The following MIA3 variants were observed in gnomAD, a reference collection of about 807,000 sequenced individuals.
MIA3 encodes the protein transport and Golgi organization protein 1 homolog.
In MIA3, 90 loss-of-function variants were observed where a neutral mutation model predicts 192.4. That is an observed-to-expected ratio of 0.47 (90% CI 0.39 to 0.56). MIA3 has a LOEUF of 0.56. Ranked by LOEUF, MIA3 falls within the 20% of genes least tolerant of loss-of-function variation. The probability of loss-of-function intolerance (pLI) is 0.00; values close to 1 mark genes in which losing one functional copy is unlikely to be tolerated. For missense variants in MIA3, 2,123 were observed against 2,269.4 expected (o/e 0.94, Z 1.31); for synonymous variants, 740 against 792.8 (o/e 0.93, Z 1.12).
chr1:222,651,347 T>C (rs1663422348), intron 11 of MIA3, among the ~76,000 whole-genome samples: 1 of 151,912 alleles, frequency 6.6e-6, no homozygotes, highest in Non-Finnish European at 1.5e-5. Context: ...GTTGAGGTAG[T>C]ATTGCCAGGT....
At chr1:222,642,822 A>G (rs1662923567) in intron 6 of MIA3, among the ~76,000 whole-genome samples, 2 of 152,184 alleles carry the variant, frequency 1.3e-5, no homozygotes, top group Non-Finnish European at 1.5e-5. Flanking sequence ...GCATGTTTCC[A>G]TATGTTTTTA....
intron 2 of MIA3, among the ~76,000 whole-genome samples, chr1:222,621,809 G>T (rs199853523): frequency 0.015 from 1,476 of 97,194 alleles, 25 homozygotes; most frequent in African/African-American, 0.033. Flanking sequence ...TTTCTTGTTT[G>T]TTTGTTTTTT....
chr1:222,660,049 T>C (rs376453344), intron 23 of MIA3, 43 bp downstream of exon 23: 13 of 1,588,816 alleles, frequency 8.2e-6, no homozygotes, highest in Middle Eastern at 1.7e-4. Context: ...TGTTTTTTGA[T>C]GTAAAATGTA....
Position 222,653,904 on chromosome 1 carries a change from T to C in MIA3, c.4322-339T>C, listed in dbSNP as rs139063897. Among the ~76,000 whole-genome samples, 3 of 152,340 alleles carry C rather than the reference T, an allele frequency of 2.0e-5. No individual in the cohort carries two copies. In the South Asian group the frequency reaches 6.2e-4, roughly 32 times the overall value. On this transcript the variant is annotated intron_variant, in intron 15 of 27. Transcript: ENST00000344922. ...CTCAAGTTGGATATTGCTTGTGTAG[T>C]GGGTGTTTTAAACCACACCTGGTAG...
intron 27 of MIA3, chr1:222,664,951 A>G: frequency 2.1e-6 from 1 of 467,386 alleles, no homozygotes; most frequent in South Asian, 1.6e-5. Context: ...CCCAGCATTC[A>G]TTAGACGAGG....
intron 6 of MIA3, chr1:222,644,353 C>G (rs970333156): frequency 4.7e-6 from 7 of 1,489,006 alleles, no homozygotes; most frequent in Non-Finnish European, 6.3e-6. Context: ...CTGTGGAAGG[C>G]GAAGTTCAAT....
Position 222,629,171 on chromosome 1 carries a change from C to T in MIA3, c.1951C>T (p.Leu651=), listed in dbSNP as rs374061481. ...PRELEDEVPI[L]GRNLPWQQER... is the part of the protein sequence containing the mutation. Reference sequence around the variant, plus strand: ...AGAACTGGAAGACGAGGTTCCCATTCTGGGAAGAAATCTTCCCTGGCAACA... The same window carrying T: ...AGAACTGGAAGACGAGGTTCCCATTTTGGGAAGAAATCTTCCCTGGCAACA... The change falls in exon 4 of 28, where the codon CTG becomes TTG. Residue 651 remains leucine (L), a synonymous_variant. Coordinates refer to ENST00000344922, the MANE Select transcript of MIA3 (RefSeq NM_198551.4). The T allele has an allele frequency of 7.4e-6, 12 of 1,614,022 alleles. No homozygotes were observed. The highest frequency in any genetic ancestry group is 1.7e-5 in the Admixed American group (1 of 59,992).
At chr1:222,660,536 T>G in intron 24 of MIA3, 1 of 372,674 alleles carries the variant, frequency 2.7e-6, no homozygotes, top group Non-Finnish European at 4.8e-6. Context: ...TCTCTTTAAT[T>G]TTTTACTCTG....
intron 26 of MIA3, 118 bp from the exon 27 acceptor site, chr1:222,663,880 T>C: frequency 1.0e-6 from 1 of 987,672 alleles, no homozygotes. Flanking sequence ...TTGCACTAAT[T>C]CTGCTCTTTG....
intron 6 of MIA3, among the ~76,000 whole-genome samples, chr1:222,643,901 A>G (rs1247674367): frequency 6.6e-6 from 1 of 152,154 alleles, no homozygotes; most frequent in Non-Finnish European, 1.5e-5. Flanking sequence ...AGCGAGCGCA[A>G]TGGAGGTCTG....
At chr1:222,645,914 G>T in intron 7 of MIA3, 1 of 375,918 alleles carries the variant, frequency 2.7e-6, no homozygotes, top group Non-Finnish European at 4.7e-6. Flanking sequence ...TCATATCAAA[G>T]TCTAAATTTT....
chr1:222,652,240 C>G lies in MIA3; in HGVS notation c.3994C>G (p.Leu1332Val), dbSNP rs768770008. ...ASEFSEVQIA[L>V]NEAKLSEEKV... ...TGTTTTGCATTAGGTTCAGATTGCA[C>G]TTAATGAAGCTAAGCTTAGTGAAGA... Residue 1332 changes from leucine to valine, a missense_variant, in exon 13 of 28, where the codon CTT (leucine) becomes GTT (valine). Physicochemically the swap from Leu to Val is conservative, Grantham distance 32. Transcript: ENST00000344922. The G allele has an allele frequency of 5.0e-6, 8 of 1,612,758 alleles. No homozygotes were observed. Among genetic ancestry groups the G allele is most frequent in the East Asian group, 2.2e-5 (1 of 44,840 alleles).
chr1:222,634,460 C>G (rs929777782), intron 6 of MIA3, among the ~76,000 whole-genome samples: 1 of 152,142 alleles, frequency 6.6e-6, no homozygotes, highest in African/African-American at 2.4e-5. Context: ...AGATTTTAAG[C>G]AGGAAAGGGA....
Position 222,666,595 on chromosome 1 carries a change from T to G in MIA3, c.*976T>G, listed in dbSNP as rs1664298814. ...TTTTTGAGGAATATAATAAAAAGATTGGAAGAGTATAATGCCATGAGAAAG... is the reference window on the plus strand; with the variant it reads ...TTTTTGAGGAATATAATAAAAAGATGGGAAGAGTATAATGCCATGAGAAAG... On this transcript the variant is annotated 3_prime_UTR_variant, in exon 28 of 28. Transcript: ENST00000344922. The G allele has an allele frequency of 1.4e-5, 2 of 144,454 alleles. No individual in the cohort carries two copies. The highest frequency in any genetic ancestry group is 4.3e-4 in the South Asian group (2 of 4,688). The allele number at this position is 144,454 out of a possible 1,614,324, so 8.9% of individuals were successfully genotyped here. A position where few individuals can be genotyped will look rare whatever the true frequency, so the allele number is the denominator to read the frequency against.
chr1:222,644,644 C>T, intron 6 of MIA3: 2 of 1,526,538 alleles, frequency 1.3e-6, no homozygotes, highest in Non-Finnish European at 1.8e-6. Flanking sequence ...TGGATGAGTT[C>T]TAAGCAGAGT....
At chr1:222,651,289 G>T (rs1315181020) in intron 11 of MIA3, among the ~76,000 whole-genome samples, 1 of 151,064 alleles carries the variant, frequency 6.6e-6, no homozygotes, top group African/African-American at 2.4e-5. Context: ...TGCAAAGATA[G>T]TAGAGAGGGT....
chr1:222,627,503 A>C lies in MIA3; in HGVS notation c.355-72A>C, dbSNP rs147322225. On this transcript the variant is annotated intron_variant, in intron 3 of 27. Coordinates refer to ENST00000344922, the MANE Select transcript of MIA3 (RefSeq NM_198551.4). ...ACGTGAATTCGAGATTATCTCAATC[A>C]TTAACGTGGATAAGACTTTGCTCTG... is the stretch of plus-strand genomic sequence containing the variant. 4.0e-6 allele frequency: 5 copies of C among 1,254,476 alleles called. No individual in the cohort carries two copies. The East Asian group carries it at 9.3e-5, about 23-fold the overall frequency. 77.7% of individuals were successfully genotyped at this position (1,254,476 alleles called of 1,614,324 possible).
chr1:222,665,513 C>G lies in MIA3; in HGVS notation c.5618C>G (p.Pro1873Arg). The G allele has an allele frequency of 6.2e-7, 1 of 1,614,124 alleles. No homozygotes were observed. The highest frequency in any genetic ancestry group is 8.5e-7 in the Non-Finnish European group (1 of 1,180,004). ...CATGGTCCCCAGGAATACCCACCACCACCTGCTGTAAGAGACTTACTGCCG... is the reference window on the plus strand; with the variant it reads ...CATGGTCCCCAGGAATACCCACCACGACCTGCTGTAAGAGACTTACTGCCG... Reference protein sequence around the residue: ...PTHGPQEYPPPPAVRDLLPSG... With the variant: ...PTHGPQEYPPRPAVRDLLPSG... The change falls in exon 28 of 28, where the codon CCA becomes CGA. Residue 1873 changes from proline to arginine, a missense_variant. Pro to Arg is a moderately radical substitution (Grantham distance 103). Coordinates refer to ENST00000344922, the MANE Select transcript of MIA3 (RefSeq NM_198551.4).
chr1:222,620,251 G>A lies in MIA3; in HGVS notation c.134-908G>A, dbSNP rs528498169. ...CCTTCTTTGTCTCTGCTATTTAGATGTATTTATTGTCCATTTCATCTTACA... is the reference window on the plus strand; with the variant it reads ...CCTTCTTTGTCTCTGCTATTTAGATATATTTATTGTCCATTTCATCTTACA... On this transcript the variant is annotated intron_variant, in intron 1 of 27. Coordinates refer to ENST00000344922, the MANE Select transcript of MIA3 (RefSeq NM_198551.4). 3.0e-4 allele frequency among the ~76,000 whole-genome samples: 46 copies of A among 152,252 alleles called. 1 individual carries two copies. The highest frequency in any genetic ancestry group is 5.9e-4 in the Non-Finnish European group (40 of 68,014).
Sources: gnomAD v4.1 joint callset for allele counts (sites outside exome capture counted in the v4.1 genomes callset) on GRCh38, gnomAD v4.1.1 for gene constraint, MANE v1.5 for transcripts, NCBI Gene and HGNC (gene_info 2026-07-23, HGNC 2026-07-21) for gene names.